Variants in GFI1B observed in about 807,000 individuals in gnomAD.
GFI1B encodes growth factor independent 1B transcriptional repressor, also known as zinc finger protein Gfi-1b.
GFI1B carries 20 observed loss-of-function variants against 35.3 expected under a neutral mutation model. That is an observed-to-expected ratio of 0.57 (90% CI 0.40 to 0.82). The LOEUF (loss-of-function observed/expected upper bound fraction) is 0.82, where lower values mean the gene tolerates loss of function less well. Ranked by LOEUF, GFI1B falls within the 40% of genes least tolerant of loss-of-function variation. The probability of loss-of-function intolerance (pLI) is 0.00; values close to 1 mark genes in which losing one functional copy is unlikely to be tolerated. For missense variants in GFI1B, 430 were observed against 446.3 expected (o/e 0.96, Z 0.33); for synonymous variants, 178 against 177.6 (o/e 1.00, Z -0.02).
chr9:132,964,743 CTT>C lies in GFI1B; in HGVS notation c.-700-7955_-700-7954del, dbSNP rs71376675. On this transcript the variant is annotated intron_variant, in intron 1 of 10. Transcript: ENST00000339463. ...GATTATCTCAAAACAATTTTTCTTC[CTT>C]TTTTTTTTTTTTTTTTTTTTTTTTT... is the stretch of plus-strand genomic sequence containing the variant. Among the ~76,000 whole-genome samples the C allele has an allele frequency of 7.5e-3, 811 of 107,674 alleles. 3 individuals carry two copies. Among genetic ancestry groups the C allele is most frequent in the African/African-American group, 0.024 (701 of 28,704 alleles). The allele number at this position is 107,674 out of a possible 152,430, so 70.6% of individuals were successfully genotyped here.
At chr9:132,970,143 A>T (rs1848511344) in intron 1 of GFI1B, among the ~76,000 whole-genome samples, 1 of 152,178 alleles carries the variant, frequency 6.6e-6, no homozygotes. Context: ...AAAGGGGTGC[A>T]CATTCTCTGA....
At chr9:132,973,581 C>T (rs972350306) in intron 2 of GFI1B, among the ~76,000 whole-genome samples, 2 of 152,208 alleles carry the variant, frequency 1.3e-5, no homozygotes, top group African/African-American at 4.8e-5. Context: ...CTGTAGACAA[C>T]AGATGACTCC....
At chr9:132,947,803 G>A (rs1366429514) in intron 1 of GFI1B, among the ~76,000 whole-genome samples, 1 of 144,442 alleles carries the variant, frequency 6.9e-6, no homozygotes, top group Non-Finnish European at 1.5e-5. Context: ...AGAGAGACTT[G>A]GTCTCCAAAA....
rs758726712 is a variant in GFI1B, at chr9:132,989,808, C to G, written c.715C>G (p.Leu239Val). ...FKRSSTLSTH[L>V]LIHSDTRPYP... The stretch of plus-strand genomic sequence containing the variant: ...GCGCTCGTCCACGCTGTCCACCCAC[C>G]TGCTCATCCACTCAGACACGCGGCC... The change falls in exon 6 of 7, where the codon CTG becomes GTG. Residue 239 changes from leucine (L) to valine (V), a missense_variant. Leu to Val is a conservative substitution (Grantham distance 32, BLOSUM62 1). Coordinates refer to ENST00000372122, the MANE Select transcript of GFI1B (RefSeq NM_001377304.1). This position sits in a 1 kb window ranked among gnomAD's most constrained non-coding sequence, Gnocchi z 6.2. 1.2e-6 allele frequency: 2 copies of G among 1,614,034 alleles called. No individual in the cohort carries two copies. Among genetic ancestry groups the G allele is most frequent in the East Asian group, 2.2e-5 (1 of 44,888 alleles).
At chr9:132,984,650 A>G (rs1474824927) in intron 1 of GFI1B, among the ~76,000 whole-genome samples, 1 of 152,164 alleles carries the variant, frequency 6.6e-6, no homozygotes, top group Non-Finnish European at 1.5e-5. Flanking sequence ...TGATGGATAA[A>G]GGTCCTTTCT....
upstream of GFI1B, chr9:132,976,463 T>G (rs1848635023): frequency 6.6e-6 from 1 of 152,202 alleles, no homozygotes; most frequent in Admixed American, 6.5e-5. Flanking sequence ...ACCCACAGAA[T>G]ACTCAAGATG....
At chr9:132,975,255 C>T (rs1295410317), upstream of GFI1B, 1 of 152,192 alleles carries the variant, frequency 6.6e-6, no homozygotes, top group African/African-American at 2.4e-5. Context: ...TCTTCCTGAT[C>T]TTTGTTCTTT....
At chr9:132,969,366 G>A (rs1848499156) in intron 1 of GFI1B, among the ~76,000 whole-genome samples, 1 of 152,202 alleles carries the variant, frequency 6.6e-6, no homozygotes, top group Non-Finnish European at 1.5e-5. Flanking sequence ...GGTAACTCAG[G>A]TAAATGAAGT....
At chr9:132,984,991 C>T (rs1848985193) in intron 1 of GFI1B, among the ~76,000 whole-genome samples, 1 of 151,668 alleles carries the variant, frequency 6.6e-6, no homozygotes, top group South Asian at 2.1e-4. Flanking sequence ...CACTGCTGTT[C>T]TGAAGCAGCT....
chr9:132,986,934 A>G (rs2132641612), intron 2 of GFI1B, among the ~76,000 whole-genome samples, 156 bp downstream of exon 2: 1 of 152,364 alleles, frequency 6.6e-6, no homozygotes. Flanking sequence ...AGGAGTAGAC[A>G]AATGAGTGAT....
At chr9:132,960,205 A>G (rs994985193) in intron 1 of GFI1B, among the ~76,000 whole-genome samples, 1 of 152,200 alleles carries the variant, frequency 6.6e-6, no homozygotes. Flanking sequence ...GGTTTCATCA[A>G]GAATTTGATC....
intron 1 of GFI1B, among the ~76,000 whole-genome samples, chr9:132,947,615 C>G (rs947413998): frequency 6.6e-6 from 1 of 151,698 alleles, no homozygotes; most frequent in Non-Finnish European, 1.5e-5. Flanking sequence ...TCGAGACCAG[C>G]CTGGCCAACA....
intron 1 of GFI1B, among the ~76,000 whole-genome samples, chr9:132,950,869 A>G (rs1321970684): frequency 6.6e-6 from 1 of 151,610 alleles, no homozygotes; most frequent in Non-Finnish European, 1.5e-5. Flanking sequence ...ACAGGGTCTT[A>G]CTCTGTCACC....
At chr9:132,963,786 A>G (rs1393629247) in intron 1 of GFI1B, 1 of 152,162 alleles carries the variant, frequency 6.6e-6, no homozygotes, top group Non-Finnish European at 1.5e-5. Context: ...TTTTGCCCAA[A>G]AGCCTCTCAA....
rs575371561 is a variant in GFI1B at position 132,947,677 on chromosome 9, C to T, written c.-701+2008C>T. The stretch of plus-strand genomic sequence containing the variant: ...TACAAAAATTAGCCAGGCGTGGTGG[C>T]GGGTACCTATAATCCAAGCTACTCA... On this transcript the variant is annotated intron_variant, in intron 1 of 10. Transcript: ENST00000339463. Among the ~76,000 whole-genome samples, 33 of 151,884 alleles carry T rather than the reference C, an allele frequency of 2.2e-4. No individual in the cohort carries two copies. In the South Asian group the frequency reaches 5.2e-3, roughly 24 times the overall value.
In GFI1B at chr9:132,958,513, C is replaced by A. The variant is rs117309720; in HGVS notation, c.-701+12844C>A. 8.2e-3 allele frequency among the ~76,000 whole-genome samples: 1,248 copies of A among 152,226 alleles called. 7 individuals carry two copies. The highest frequency in any genetic ancestry group is 0.014 in the Non-Finnish European group (950 of 68,014). The stretch of plus-strand genomic sequence containing the variant: ...GGAGGTGCCACACACTTTTAAATGA[C>A]CAGCTTTCATGAGAAGTCATTCACT... On this transcript the variant is annotated intron_variant, in intron 1 of 10. Transcript: ENST00000339463.
At chr9:132,992,502 G>A (rs1471080061), downstream of GFI1B, among the ~76,000 whole-genome samples, 1 of 152,058 alleles carries the variant, frequency 6.6e-6, no homozygotes, top group African/African-American at 2.4e-5. Context: ...CTGTAAAATG[G>A]TAAACACAGC....
chr9:132,987,180 C>T (rs1564177605), intron 2 of GFI1B, 102 bp from the exon 3 acceptor site: 5 of 1,283,592 alleles, frequency 3.9e-6, no homozygotes, highest in Middle Eastern at 1.8e-4. Context: ...ACGTGGCTGT[C>T]TCTCTGGGCC....
intron 1 of GFI1B, chr9:132,947,190 G>A (rs1848125402): frequency 6.6e-6 from 1 of 152,370 alleles, no homozygotes; most frequent in Non-Finnish European, 1.5e-5. Context: ...GATGCACGTG[G>A]TGGAGGACAT....
Sources: gnomAD v4.1 joint callset for allele counts (sites outside exome capture counted in the v4.1 genomes callset) on GRCh38, gnomAD v4.1.1 for gene constraint, Gnocchi (gnomAD v3.1) non-coding constraint, MANE v1.5 for transcripts, NCBI Gene and HGNC (gene_info 2026-07-23, HGNC 2026-07-21) for gene names.